PTPRR: variants seen among roughly 807,000 people sequenced by gnomAD.
PTPRR encodes the protein protein tyrosine phosphatase receptor type R, also known as receptor-type tyrosine-protein phosphatase R.
PTPRR carries 38 observed loss-of-function variants against 77.2 expected under a neutral mutation model. The ratio of observed to expected loss-of-function variants is 0.49; its 90% CI spans 0.38 to 0.65. The LOEUF (loss-of-function observed/expected upper bound fraction) is 0.65. Ranked by LOEUF, PTPRR falls within the 30% of genes least tolerant of loss-of-function variation. PTPRR has a pLI of 0.00. For missense variants in PTPRR, 744 were observed against 799.2 expected (o/e 0.93, Z 0.83); for synonymous variants, 299 against 283.1 (o/e 1.06, Z -0.57).
chr12:70,903,154 T>A lies in PTPRR; in HGVS notation c.59-10177A>T, dbSNP rs569600723. Among the ~76,000 whole-genome samples the A allele has an allele frequency of 1.3e-4, 20 of 151,824 alleles. No individual in the cohort carries two copies. In the South Asian group the frequency reaches 2.5e-3, roughly 19 times the overall value. On this transcript the variant is annotated intron_variant, in intron 1 of 13. Coordinates refer to ENST00000283228, the MANE Select transcript of PTPRR (RefSeq NM_002849.4). ...TGGTTAAAGGATATAAAGTTTAAGA[T>A]AGGCAGGAAAAACAAATTTTGAGAT...
chr12:70,812,359 A>T (rs1021218954), intron 2 of PTPRR, among the ~76,000 whole-genome samples: 1 of 152,184 alleles, frequency 6.6e-6, no homozygotes, highest in Non-Finnish European at 1.5e-5. Flanking sequence ...CACAATGCAA[A>T]TTGTTCCAGA....
chr12:70,856,734 AT>A (rs11358197), intron 2 of PTPRR, among the ~76,000 whole-genome samples: 22,501 of 151,672 alleles, frequency 0.15, 2,406 homozygotes, highest in African/African-American at 0.31. Flanking sequence ...CGAAGAGTAT[AT>A]CAGTTAGAAT....
At chr12:70,698,545 C>T (rs2136775516) in intron 7 of PTPRR, among the ~76,000 whole-genome samples, 196 bp from the exon 8 acceptor site, 2 of 152,262 alleles carry the variant, frequency 1.3e-5, no homozygotes, top group Middle Eastern at 6.8e-3. Flanking sequence ...TTCTAAGAAA[C>T]AGCTCTGTGT....
chr12:70,886,764 GC>G (rs1893247000), intron 2 of PTPRR, among the ~76,000 whole-genome samples: 1 of 152,074 alleles, frequency 6.6e-6, no homozygotes, highest in South Asian at 2.1e-4. Flanking sequence ...TTAATTACAA[GC>G]TTTTGAATTG....
intron 2 of PTPRR, among the ~76,000 whole-genome samples, chr12:70,874,025 A>T (rs752574248): frequency 1.3e-5 from 2 of 152,198 alleles, no homozygotes; most frequent in African/African-American, 2.4e-5. Context: ...CCCTAATTAG[A>T]CTGAAAGTGG....
intron 2 of PTPRR, among the ~76,000 whole-genome samples, chr12:70,771,165 T>TAAA (rs111294240): frequency 1.3e-5 from 2 of 148,600 alleles, no homozygotes; most frequent in African/African-American, 2.5e-5. Context: ...AATAATAAAT[T>TAAA]AAAAAAAAAT....
chr12:70,914,966 C>T (rs1448506395), intron 1 of PTPRR, among the ~76,000 whole-genome samples: 4 of 152,052 alleles, frequency 2.6e-5, no homozygotes, highest in African/African-American at 9.7e-5. Flanking sequence ...GAATCTTTGA[C>T]GTGCAAGTCT....
At chr12:70,816,363 C>A (rs970953368) in intron 2 of PTPRR, among the ~76,000 whole-genome samples, 1 of 151,882 alleles carries the variant, frequency 6.6e-6, no homozygotes, top group Admixed American at 6.6e-5. Flanking sequence ...GTAGTCACCA[C>A]CATAAAACAA....
intron 5 of PTPRR, among the ~76,000 whole-genome samples, chr12:70,750,194 T>C (rs1367465504): frequency 6.6e-6 from 1 of 152,210 alleles, no homozygotes; most frequent in Admixed American, 6.5e-5. Flanking sequence ...ATATGCCACT[T>C]TTCAAAAATT....
At chr12:70,696,416 G>A (rs1888235033) in intron 8 of PTPRR, among the ~76,000 whole-genome samples, 1 of 152,120 alleles carries the variant, frequency 6.6e-6, no homozygotes, top group African/African-American at 2.4e-5. Context: ...GCTCAATCTA[G>A]TTTCACATAT....
Position 70,892,678 on chromosome 12 carries a change from C to A in PTPRR, c.357+1G>T. 1 of 1,612,712 alleles carries A rather than the reference C, an allele frequency of 6.2e-7. No individual in the cohort carries two copies. Among genetic ancestry groups the A allele is most frequent in the Non-Finnish European group, 8.5e-7 (1 of 1,178,978 alleles). ...CAGCATCAGTTTAACATACTACTTA[C>A]CACCACAATTACATTTGCTGCTGGG... is the stretch of plus-strand genomic sequence containing the variant. On this transcript the variant is annotated splice_donor_variant, in intron 2 of 13. Coordinates refer to ENST00000283228, the MANE Select transcript of PTPRR (RefSeq NM_002849.4). LOFTEE classifies it high-confidence loss of function.
At chr12:70,763,860 G>T (rs1274730970) in intron 3 of PTPRR, among the ~76,000 whole-genome samples, 1 of 151,998 alleles carries the variant, frequency 6.6e-6, no homozygotes, top group Non-Finnish European at 1.5e-5. Context: ...TTTGGCCTTT[G>T]CTCACGCCCA....
chr12:70,890,549 G>A (rs1893317751), intron 2 of PTPRR, among the ~76,000 whole-genome samples: 1 of 152,078 alleles, frequency 6.6e-6, no homozygotes, highest in Non-Finnish European at 1.5e-5. Flanking sequence ...GAGCTAGGAA[G>A]TCTTAGAAGT....
chr12:70,691,915 CAT>C (rs1309826408), intron 8 of PTPRR, among the ~76,000 whole-genome samples: 6 of 152,192 alleles, frequency 3.9e-5, no homozygotes, highest in African/African-American at 1.2e-4. Context: ...AATCTGATCA[CAT>C]GATTCCATTG....
At chr12:70,859,218 G>A (rs114419433) in intron 2 of PTPRR, among the ~76,000 whole-genome samples, 5 of 152,100 alleles carry the variant, frequency 3.3e-5, no homozygotes, top group Middle Eastern at 3.4e-3. Flanking sequence ...ATAGAATCAC[G>A]TATGCCAATG....
At chr12:70,893,957 T>C (rs1893381734) in intron 1 of PTPRR, among the ~76,000 whole-genome samples, 1 of 151,906 alleles carries the variant, frequency 6.6e-6, no homozygotes, top group South Asian at 2.1e-4. Context: ...AAATATTCAT[T>C]GCATTGAATA....
intron 2 of PTPRR, among the ~76,000 whole-genome samples, chr12:70,845,021 T>G (rs545578133): frequency 9.8e-5 from 15 of 152,310 alleles, no homozygotes; most frequent in African/African-American, 3.6e-4. Context: ...ATGTGGGCTG[T>G]TAGAATCAAA....
intron 10 of PTPRR, among the ~76,000 whole-genome samples, chr12:70,677,608 C>A (rs1887496112): frequency 6.6e-6 from 1 of 152,008 alleles, no homozygotes; most frequent in Non-Finnish European, 1.5e-5. Context: ...GTTGACAGTT[C>A]TTATCATGAA....
At chr12:70,798,110 T>A (rs143450137) in intron 2 of PTPRR, among the ~76,000 whole-genome samples, 1 of 152,342 alleles carries the variant, frequency 6.6e-6, no homozygotes, top group Non-Finnish European at 1.5e-5. Flanking sequence ...TTTTTAAACC[T>A]GTTATTCTAA....
Sources: allele counts gnomAD v4.1 joint callset (sites outside exome capture counted in the v4.1 genomes callset), GRCh38; gene constraint gnomAD v4.1.1; transcripts MANE v1.5; gene names NCBI Gene and HGNC (gene_info 2026-07-23, HGNC 2026-07-21).